The following ZGRF1 variants were observed in gnomAD, a reference collection of about 807,000 sequenced individuals.
ZGRF1 encodes the protein zinc finger GRF-type containing 1.
Under a neutral mutation model 203.5 loss-of-function variants are expected in ZGRF1, and 196 were observed. That is an observed-to-expected ratio of 0.96 (90% confidence interval 0.86 to 1.08). The LOEUF (loss-of-function observed/expected upper bound fraction) is 1.08. Among genes scored for constraint, ZGRF1 ranks in the 50% least tolerant of loss-of-function variants. ZGRF1 has a pLI of 0.00. For synonymous variants in ZGRF1, 809 were observed against 841.3 expected (o/e 0.96, Z 0.66); for missense variants, 2,326 against 2,416.3 (o/e 0.96, Z 0.78).
At chr4:112,605,931 G>C (rs1263421723) in intron 9 of ZGRF1, 77 bp downstream of exon 9, 2 of 942,738 alleles carry the variant, frequency 2.1e-6, no homozygotes, top group African/African-American at 3.3e-5. Context: ...TCTGATACTT[G>C]TTTTTTTGTT....
chr4:112,619,761 A>C, intron 5 of ZGRF1, 71 bp from the exon 6 acceptor site: 1 of 1,231,918 alleles, frequency 8.1e-7, no homozygotes, highest in Non-Finnish European at 1.1e-6. Flanking sequence ...CTGGCTAAGA[A>C]AAAAAAAGGA....
intron 14 of ZGRF1, among the ~76,000 whole-genome samples, chr4:112,584,869 T>C (rs1298943746): frequency 6.6e-6 from 1 of 152,202 alleles, no homozygotes; most frequent in African/African-American, 2.4e-5. Flanking sequence ...ACATACATTT[T>C]ACTAACCTGA....
intron 4 of ZGRF1, among the ~76,000 whole-genome samples, chr4:112,621,416 G>A (rs1424879518): frequency 7.2e-5 from 11 of 152,078 alleles, no homozygotes; most frequent in Admixed American, 6.5e-5. Flanking sequence ...TTGGGAGGCC[G>A]AGGTGGGCGG....
At chr4:112,620,313 G>C (rs2047022315) in intron 4 of ZGRF1, 123 bp from the exon 5 acceptor site, 2 of 556,006 alleles carry the variant, frequency 3.6e-6, no homozygotes, top group Non-Finnish European at 6.1e-6. Flanking sequence ...GAATAAATCA[G>C]TAACTAAAGT....
chr4:112,553,102 C>G (rs1453612499), intron 22 of ZGRF1, among the ~76,000 whole-genome samples: 1 of 152,130 alleles, frequency 6.6e-6, no homozygotes, highest in Non-Finnish European at 1.5e-5. Context: ...ATACAGTGTC[C>G]CAAGTAGACT....
intron 26 of ZGRF1, 54 bp downstream of exon 26, chr4:112,540,767 A>C (rs1030157381): frequency 4.3e-6 from 6 of 1,390,434 alleles, no homozygotes; most frequent in Non-Finnish European, 4.9e-6. Context: ...AAATATGGTA[A>C]TATGTAATTG....
chr4:112,611,830 T>A (rs1240310266), intron 7 of ZGRF1, among the ~76,000 whole-genome samples: 1 of 152,220 alleles, frequency 6.6e-6, no homozygotes, highest in African/African-American at 2.4e-5. Context: ...TCTGAGAAAC[T>A]GCTGTGATAA....
chr4:112,556,217 A>G (rs1560752641), intron 20 of ZGRF1, among the ~76,000 whole-genome samples: 3 of 152,206 alleles, frequency 2.0e-5, no homozygotes, highest in Non-Finnish European at 2.9e-5. Flanking sequence ...TTCTAGACTT[A>G]GGATTATTTT....
chr4:112,560,839 A>G lies in ZGRF1; in HGVS notation c.4854T>C (p.Asp1618=). Residue 1618 remains aspartate, a synonymous_variant, in exon 19 of 28, where the codon GAT becomes GAC. Coordinates refer to ENST00000505019, the MANE Select transcript of ZGRF1 (RefSeq NM_018392.5). The stretch of plus-strand genomic sequence containing the variant: ...CTATTTGAATTAGAGCTGTAGCTTG[A>G]TCCTTGTTTAACTTGTGTACCTGAA... ...ELIQVHKLNK[D]QATALIQIAQ... The G allele has an allele frequency of 6.2e-7, 1 of 1,613,688 alleles. No individual in the cohort carries two copies. The highest frequency in any genetic ancestry group is 8.5e-7 in the Non-Finnish European group (1 of 1,179,702).
intron 4 of ZGRF1, 93 bp from the exon 5 acceptor site, chr4:112,620,283 T>C (rs2047021226): frequency 1.2e-5 from 10 of 822,912 alleles, no homozygotes; most frequent in Admixed American, 5.7e-5. Context: ...CAATGGGTGT[T>C]CAATAAATAG....
intron 4 of ZGRF1, among the ~76,000 whole-genome samples, chr4:112,622,294 G>A (rs1407635903): frequency 6.6e-6 from 1 of 151,190 alleles, no homozygotes; most frequent in Non-Finnish European, 1.5e-5. Context: ...CAAGGCACGT[G>A]GATCACTTGA....
intron 16 of ZGRF1, among the ~76,000 whole-genome samples, chr4:112,565,736 A>G (rs1273655705): frequency 6.6e-6 from 1 of 152,248 alleles, no homozygotes; most frequent in Non-Finnish European, 1.5e-5. Context: ...GCCAAAAAAC[A>G]CATGAAAAAA....
chr4:112,544,814 G>C (rs775114230), intron 24 of ZGRF1, among the ~76,000 whole-genome samples: 3 of 152,172 alleles, frequency 2.0e-5, no homozygotes, highest in Non-Finnish European at 2.9e-5. Flanking sequence ...GAAAAGAATA[G>C]AAAGTCCAGA....
At chr4:112,590,577 G>A (rs770066123) in intron 10 of ZGRF1, among the ~76,000 whole-genome samples, 3 of 152,068 alleles carry the variant, frequency 2.0e-5, no homozygotes, top group Non-Finnish European at 4.4e-5. Context: ...TCATACTCTT[G>A]TAAATGATTT....
chr4:112,554,111 G>C, intron 21 of ZGRF1, 129 bp from the exon 22 acceptor site: 1 of 715,724 alleles, frequency 1.4e-6, no homozygotes. Flanking sequence ...GTGCAGGTTT[G>C]TTACATATGT....
Position 112,547,247 on chromosome 4 carries a change from A to G in ZGRF1, c.5598+38T>C, listed in dbSNP as rs1448450610. 6.9e-6 allele frequency: 11 copies of G among 1,584,738 alleles called. No homozygotes were observed. The East Asian group carries it at 2.5e-4, about 35-fold the overall frequency. ...ACACACACACACACAATGTAGAATC[A>G]ATAAATGATAATTCCGTAAGAATTC... is the stretch of plus-strand genomic sequence containing the variant. On this transcript the variant is annotated intron_variant, in intron 24 of 27. Coordinates refer to ENST00000505019, the MANE Select transcript of ZGRF1 (RefSeq NM_018392.5).
intron 16 of ZGRF1, among the ~76,000 whole-genome samples, chr4:112,578,710 G>T (rs1375856576): frequency 8.1e-6 from 1 of 122,718 alleles, no homozygotes; most frequent in Non-Finnish European, 1.8e-5. Flanking sequence ...ATCCTCCCAA[G>T]ACTAAACCAG....
chr4:112,590,004 G>A, intron 10 of ZGRF1, 130 bp from the exon 11 acceptor site: 1 of 558,146 alleles, frequency 1.8e-6, no homozygotes, highest in Non-Finnish European at 3.0e-6. Flanking sequence ...TATGGTGGGG[G>A]CAACAACTAT....
intron 17 of ZGRF1, 133 bp downstream of exon 17, chr4:112,562,998 C>A: frequency 1.7e-6 from 1 of 578,124 alleles, no homozygotes; most frequent in South Asian, 3.6e-5. Flanking sequence ...ACTTCATACA[C>A]ATTTTCAGGA....
Sources: gnomAD v4.1 joint callset for allele counts (sites outside exome capture counted in the v4.1 genomes callset) on GRCh38, gnomAD v4.1.1 for gene constraint, MANE v1.5 for transcripts, NCBI Gene and HGNC (gene_info 2026-07-23, HGNC 2026-07-21) for gene names.